Variants in APAF1 observed in about 807,000 individuals in gnomAD.
APAF1 encodes apoptotic protease-activating factor 1.
A neutral mutation model predicts 152.4 loss-of-function variants in APAF1; 91 were observed. That is an observed-to-expected ratio of 0.60 (90% CI 0.50 to 0.71). APAF1 has a LOEUF of 0.71. APAF1 is among the 30% of genes least tolerant of loss of function. APAF1 has a pLI of 0.00. For missense variants in APAF1, 1,283 were observed against 1,472.0 expected (o/e 0.87, Z 2.10); for synonymous variants, 484 against 494.1 (o/e 0.98, Z 0.27).
chr12:98,702,530 T>C (rs377641177), intron 17 of APAF1, among the ~76,000 whole-genome samples: 8 of 152,014 alleles, frequency 5.3e-5, no homozygotes, highest in East Asian at 1.9e-4. Flanking sequence ...ATCTTAAAAA[T>C]TGAAGAAACT....
chr12:98,667,264 TTTTTTTA>T (rs762432240), intron 9 of APAF1, among the ~76,000 whole-genome samples: 1 of 151,968 alleles, frequency 6.6e-6, no homozygotes, highest in African/African-American at 2.4e-5. Context: ...CCTGACTGAT[TTTTTTTA>T]TTTTTTATTT....
At chr12:98,665,992 G>C (rs2097672174) in intron 8 of APAF1, among the ~76,000 whole-genome samples, 198 bp from the exon 9 acceptor site, 1 of 152,142 alleles carries the variant, frequency 6.6e-6, no homozygotes, top group African/African-American at 2.4e-5. Context: ...TATTTCTGTG[G>C]TTCTAGTGCA....
chr12:98,724,378 CT>C (rs1271126221), intron 24 of APAF1, among the ~76,000 whole-genome samples: 1 of 152,164 alleles, frequency 6.6e-6, no homozygotes, highest in African/African-American at 2.4e-5. Context: ...ACCTCTTCCA[CT>C]TTATCTTCCA....
At chr12:98,681,154 A>G (rs1259556793) in intron 14 of APAF1, among the ~76,000 whole-genome samples, 1 of 152,164 alleles carries the variant, frequency 6.6e-6, no homozygotes, top group Non-Finnish European at 1.5e-5. Flanking sequence ...CTCTGCCTCC[A>G]GGATTCAATT....
At chr12:98,712,936 G>T (rs2097729698) in intron 21 of APAF1, among the ~76,000 whole-genome samples, 1 of 151,918 alleles carries the variant, frequency 6.6e-6, no homozygotes, top group South Asian at 2.1e-4. Flanking sequence ...TCCCACCACA[G>T]CCTGCTGAGT....
At chr12:98,675,971 T>C (rs2097686054) in intron 12 of APAF1, among the ~76,000 whole-genome samples, 1 of 152,182 alleles carries the variant, frequency 6.6e-6, no homozygotes, top group Non-Finnish European at 1.5e-5. Context: ...TTACTTCCAT[T>C]TGACATATGA....
intron 16 of APAF1, among the ~76,000 whole-genome samples, chr12:98,692,647 T>A (rs1267906424): frequency 6.6e-6 from 1 of 152,168 alleles, no homozygotes; most frequent in African/African-American, 2.4e-5. Flanking sequence ...CTTGTGGTAT[T>A]TGGTTTTCTG....
At chr12:98,719,466 C>T (rs1355842470) in intron 22 of APAF1, among the ~76,000 whole-genome samples, 1 of 152,092 alleles carries the variant, frequency 6.6e-6, no homozygotes, top group East Asian at 1.9e-4. Flanking sequence ...TCCCCTGCCT[C>T]AGCCTCCTGA....
chr12:98,646,103 G>A (rs996700404), intron 1 of APAF1, among the ~76,000 whole-genome samples: 1 of 152,218 alleles, frequency 6.6e-6, no homozygotes, highest in Non-Finnish European at 1.5e-5. Flanking sequence ...CAGATAAGTT[G>A]TGCAGTTTTA....
chr12:98,693,707 G>A (rs1364219440), intron 16 of APAF1, among the ~76,000 whole-genome samples: 4 of 151,834 alleles, frequency 2.6e-5, no homozygotes, highest in African/African-American at 9.7e-5. Flanking sequence ...TATTCCCAGA[G>A]TCCAGCTGCC....
intron 15 of APAF1, among the ~76,000 whole-genome samples, chr12:98,685,778 G>A (rs1441256430): frequency 6.6e-6 from 1 of 152,152 alleles, no homozygotes; most frequent in Non-Finnish European, 1.5e-5. Flanking sequence ...TGGGATTACA[G>A]GCATGGGCCA....
At position 98,665,703 on chromosome 12, in the gene APAF1, C is replaced by T; in HGVS notation, c.1106C>T (p.Ser369Phe). 6.2e-7 allele frequency: 1 copy of T among 1,613,904 alleles called. No individual in the cohort carries two copies. Among genetic ancestry groups the T allele is most frequent in the Non-Finnish European group, 8.5e-7 (1 of 1,179,900 alleles). ...TATGAGGCTCTAGATGAAGCCATGTCTATAAGTGTTGAAATGCTCAGAGAA... is the reference window on the plus strand; with the variant it reads ...TATGAGGCTCTAGATGAAGCCATGTTTATAAGTGTTGAAATGCTCAGAGAA... Reference protein sequence around the residue: ...YDYEALDEAMSISVEMLREDI... With the variant: ...YDYEALDEAMFISVEMLREDI... Residue 369 changes from serine (S) to phenylalanine (F), a missense_variant, in exon 8 of 27, where the codon TCT becomes TTT. Ser to Phe is a radical substitution (Grantham distance 155, BLOSUM62 -2). Transcript: ENST00000551964.
At chr12:98,715,234 GCATATATATATATATATA>G (rs1565890459) in intron 21 of APAF1, among the ~76,000 whole-genome samples, 175 bp from the exon 22 acceptor site, 1 of 58,324 alleles carries the variant, frequency 1.7e-5, no homozygotes, top group African/African-American at 8.0e-5. Flanking sequence ...TACATGGTGT[GCATATATATATATATATA>G]TATATATATA....
chr12:98,712,913 G>C (rs1333086133), intron 21 of APAF1, among the ~76,000 whole-genome samples: 1 of 151,988 alleles, frequency 6.6e-6, no homozygotes, highest in Non-Finnish European at 1.5e-5. Context: ...TGCCTCCCAG[G>C]CTCAAGCAAT....
At chr12:98,656,759 G>C (rs1288027176) in intron 4 of APAF1, among the ~76,000 whole-genome samples, 1 of 152,156 alleles carries the variant, frequency 6.6e-6, no homozygotes, top group African/African-American at 2.4e-5. Context: ...AAGTGACATG[G>C]CAACTTTTTT....
At chr12:98,689,864 G>C (rs2097702375) in intron 16 of APAF1, among the ~76,000 whole-genome samples, 1 of 152,148 alleles carries the variant, frequency 6.6e-6, no homozygotes, top group Non-Finnish European at 1.5e-5. Flanking sequence ...TTTGTCTTCT[G>C]ATTTCCACTT....
At chr12:98,673,618 A>T (rs1443641208) in intron 12 of APAF1, among the ~76,000 whole-genome samples, 1 of 152,118 alleles carries the variant, frequency 6.6e-6, no homozygotes, top group African/African-American at 2.4e-5. Flanking sequence ...TCTTTATGGC[A>T]TTAGGCCCTC....
chr12:98,647,364 A>G (rs907960599), intron 1 of APAF1, among the ~76,000 whole-genome samples: 13 of 151,656 alleles, frequency 8.6e-5, no homozygotes, highest in African/African-American at 3.2e-4. Context: ...ATATATTCAT[A>G]TGATACCAAC....
chr12:98,669,776 T>C (rs1288807518), intron 10 of APAF1, among the ~76,000 whole-genome samples: 3 of 152,122 alleles, frequency 2.0e-5, no homozygotes, highest in African/African-American at 7.2e-5. Context: ...GCCAGACTGC[T>C]CTCCAGAAGG....
Sources: allele counts gnomAD v4.1 joint callset (sites outside exome capture counted in the v4.1 genomes callset), GRCh38; gene constraint gnomAD v4.1.1; transcripts MANE v1.5; gene names NCBI Gene and HGNC (gene_info 2026-07-23, HGNC 2026-07-21).